Variants in TET1 observed in about 807,000 individuals in gnomAD.
The protein encoded by TET1 is tet methylcytosine dioxygenase 1.
Under a neutral mutation model 148.7 loss-of-function variants are expected in TET1, and 13 were observed. The observed-to-expected ratio is 0.09, with a 90% CI of 0.06 to 0.14. The LOEUF is 0.14. Ranked by LOEUF, TET1 falls within the 10% of genes least tolerant of loss-of-function variation. The probability of loss-of-function intolerance (pLI) is 1.00; values close to 1 mark genes in which losing one functional copy is unlikely to be tolerated. For missense variants in TET1, 2,182 were observed against 2,553.8 expected (o/e 0.85, Z 3.14); for synonymous variants, 907 against 937.2 (o/e 0.97, Z 0.59).
At chr10:68,626,675 C>CG (rs1291703473) in intron 3 of TET1, among the ~76,000 whole-genome samples, 1 of 151,812 alleles carries the variant, frequency 6.6e-6, no homozygotes, top group Non-Finnish European at 1.5e-5. Flanking sequence ...CTCAGCCTCT[C>CG]GAGTAGCTGG....
intron 2 of TET1, among the ~76,000 whole-genome samples, chr10:68,581,565 T>C (rs572631510): frequency 7.2e-5 from 11 of 152,154 alleles, no homozygotes; most frequent in African/African-American, 2.6e-4. Flanking sequence ...AAATTGGCCA[T>C]GGGGACTGGC....
chr10:68,645,909 A>G lies in TET1; in HGVS notation c.3180A>G (p.Ser1060=), dbSNP rs2054837181. Residue 1060 remains serine, a synonymous_variant, in exon 4 of 12, where the codon TCA becomes TCG. Transcript: ENST00000373644. Reference sequence around the variant, plus strand: ...TGGACAGCAGCAAAAAATTGGACTCAGATGATCTATCATGTCAGGATGCAA... The same window carrying G: ...TGGACAGCAGCAAAAAATTGGACTCGGATGATCTATCATGTCAGGATGCAA... ...QLLDSSKKLD[S]DDLSCQDATH... is the part of the protein sequence containing the mutation. 1.2e-6 allele frequency: 2 copies of G among 1,614,022 alleles called. No homozygotes were observed. The highest frequency in any genetic ancestry group is 8.5e-7 in the Non-Finnish European group (1 of 1,180,040).
At chr10:68,624,270 T>C (rs2054418608) in intron 3 of TET1, among the ~76,000 whole-genome samples, 1 of 149,956 alleles carries the variant, frequency 6.7e-6, no homozygotes, top group Admixed American at 6.7e-5. Flanking sequence ...CTAATTCTTG[T>C]GTGTGTGTTT....
At chr10:68,569,968 A>T (rs10998284) in intron 1 of TET1, among the ~76,000 whole-genome samples, 27,421 of 151,984 alleles carry the variant, frequency 0.18, 2,817 homozygotes, top group African/African-American at 0.27. Flanking sequence ...TTTCTTTTTT[A>T]AAATAATTTC....
intron 7 of TET1, among the ~76,000 whole-genome samples, chr10:68,669,106 ATAG>A (rs1407761574): frequency 6.6e-6 from 1 of 152,142 alleles, no homozygotes; most frequent in African/African-American, 2.4e-5. Flanking sequence ...AAAACCAGGC[ATAG>A]TGGTGTGTGC....
chr10:68,645,429 C>T lies in TET1; in HGVS notation c.2700C>T (p.Leu900=), dbSNP rs2133087081. The T allele has an allele frequency of 6.2e-7, 1 of 1,613,966 alleles. No homozygotes were observed. Among genetic ancestry groups the T allele is most frequent in the Middle Eastern group, 1.7e-4 (1 of 6,060 alleles). ...TAGCCATAGAGGCCCTGACTCAACT[C>T]TCAGAAGCCCCATCAGAGAATTCCT... is the stretch of plus-strand genomic sequence containing the variant. ...QVVAIEALTQ[L]SEAPSENSSP... is the part of the protein sequence containing the mutation. Residue 900 remains leucine (L), a synonymous_variant, in exon 4 of 12, where the codon CTC becomes CTT. Transcript: ENST00000373644.
intron 11 of TET1, among the ~76,000 whole-genome samples, chr10:68,689,247 A>AGGTTG: frequency 6.6e-6 from 1 of 152,306 alleles, no homozygotes; most frequent in East Asian, 1.9e-4. Flanking sequence ...TCAAGGCTCC[A>AGGTTG]GGTTGTAGCA....
intron 6 of TET1, among the ~76,000 whole-genome samples, chr10:68,663,455 T>C (rs960498135): frequency 1.3e-5 from 2 of 152,198 alleles, no homozygotes; most frequent in Non-Finnish European, 2.9e-5. Flanking sequence ...GCATCCTCAG[T>C]ATATAAGGAT....
At chr10:68,674,421 T>C (rs1384972611) in intron 8 of TET1, 2 of 329,848 alleles carry the variant, frequency 6.1e-6, no homozygotes, top group Non-Finnish European at 1.2e-5. Context: ...CGTGAAAGCA[T>C]CTGCCATGTT....
chr10:68,593,437 A>T (rs963834669), intron 2 of TET1, among the ~76,000 whole-genome samples: 19 of 151,626 alleles, frequency 1.3e-4, no homozygotes, highest in African/African-American at 4.6e-4. Context: ...TTTTTTAAAA[A>T]AATTTTTAAT....
chr10:68,663,978 CTCTT>C (rs1234061870), intron 6 of TET1, among the ~76,000 whole-genome samples: 1 of 151,918 alleles, frequency 6.6e-6, no homozygotes, highest in Non-Finnish European at 1.5e-5. Context: ...TCACAACACT[CTCTT>C]CTCTCCACCA....
chr10:68,668,409 G>C (rs1345514416), intron 7 of TET1, among the ~76,000 whole-genome samples: 1 of 152,140 alleles, frequency 6.6e-6, no homozygotes, highest in African/African-American at 2.4e-5. Context: ...AGCGATATTC[G>C]GGGAACTGCT....
chr10:68,678,041 G>C (rs1310730090), intron 8 of TET1, among the ~76,000 whole-genome samples: 1 of 151,198 alleles, frequency 6.6e-6, no homozygotes, highest in Non-Finnish European at 1.5e-5. Context: ...GATTACAGGC[G>C]TGAGCCACCA....
chr10:68,575,028 C>T (rs1441021057), intron 2 of TET1, among the ~76,000 whole-genome samples: 7 of 152,108 alleles, frequency 4.6e-5, no homozygotes, highest in African/African-American at 1.4e-4. Context: ...TTTTAGATCA[C>T]GCATTAAAGT....
chr10:68,585,054 G>A (rs192360240), intron 2 of TET1, among the ~76,000 whole-genome samples: 170 of 152,148 alleles, frequency 1.1e-3, no homozygotes, highest in Non-Finnish European at 2.0e-3. Context: ...GCCCAGTCTT[G>A]AGTGCAATGG....
intron 3 of TET1, among the ~76,000 whole-genome samples, chr10:68,638,679 A>G (rs773456099): frequency 1.3e-5 from 2 of 151,864 alleles, no homozygotes; most frequent in African/African-American, 2.4e-5. Context: ...ATTTTTCTAT[A>G]TGATTTGAGT....
chr10:68,649,015 T>C (rs1047923919), intron 4 of TET1, among the ~76,000 whole-genome samples: 2 of 152,078 alleles, frequency 1.3e-5, no homozygotes, highest in Non-Finnish European at 2.9e-5. Flanking sequence ...CTGAGTGGAG[T>C]TGAATTGGGA....
At chr10:68,679,646 G>GT (rs775373704) in intron 8 of TET1, among the ~76,000 whole-genome samples, 2 of 152,110 alleles carry the variant, frequency 1.3e-5, no homozygotes, top group Non-Finnish European at 2.9e-5. Flanking sequence ...GCGAGGGCAT[G>GT]TTTTTAAAGT....
At chr10:68,606,275 G>A (rs185117471) in intron 3 of TET1, among the ~76,000 whole-genome samples, 1 of 152,142 alleles carries the variant, frequency 6.6e-6, no homozygotes, top group African/African-American at 2.4e-5. Flanking sequence ...GCTGAGGCAG[G>A]AGAATCGCTT....
Sources: gnomAD v4.1 joint callset for allele counts (sites outside exome capture counted in the v4.1 genomes callset) on GRCh38, gnomAD v4.1.1 for gene constraint, MANE v1.5 for transcripts, NCBI Gene and HGNC (gene_info 2026-07-23, HGNC 2026-07-21) for gene names.